The following GRID1 variants were observed in gnomAD, a reference collection of about 807,000 sequenced individuals.
GRID1 encodes glutamate ionotropic receptor delta type subunit 1.
In GRID1, 28 loss-of-function variants were observed where a neutral mutation model predicts 98.0. That is an observed-to-expected ratio of 0.29 (90% CI 0.21 to 0.39). The LOEUF is 0.39. GRID1 is among the 10% of genes least tolerant of loss of function. The probability of loss-of-function intolerance (pLI) is 1.00; values close to 1 mark genes in which losing one functional copy is unlikely to be tolerated. For synonymous variants in GRID1, 553 were observed against 538.5 expected, an observed-to-expected ratio of 1.03 and a Z score of -0.37; for missense variants, 1,111 against 1,340.5, an observed-to-expected ratio of 0.83 and a Z score of 2.67.
At chr10:85,734,753 TAAGAC>T (rs1466286576) in intron 8 of GRID1, among the ~76,000 whole-genome samples, 1 of 152,180 alleles carries the variant, frequency 6.6e-6, no homozygotes. Flanking sequence ...GCCCAAATCT[TAAGAC>T]AAGAGTGGTA....
At chr10:85,953,296 C>A (rs547494791) in intron 4 of GRID1, among the ~76,000 whole-genome samples, 4 of 152,168 alleles carry the variant, frequency 2.6e-5, no homozygotes, top group African/African-American at 9.6e-5. Flanking sequence ...ACTGCATGTT[C>A]TTACTTATAA....
intron 12 of GRID1, among the ~76,000 whole-genome samples, chr10:85,673,872 T>C (rs982336776): frequency 4.6e-5 from 7 of 152,150 alleles, no homozygotes; most frequent in African/African-American, 1.7e-4. Flanking sequence ...TTAAAATGAG[T>C]TTGCTCATCT....
rs1397615067 is a variant in GRID1, at chr10:85,729,518, C to T, written c.1330G>A (p.Val444Ile). 8 of 1,592,216 alleles carry T rather than the reference C, an allele frequency of 5.0e-6. No homozygotes were observed. The highest frequency in any genetic ancestry group is 6.0e-6 in the Non-Finnish European group (7 of 1,160,698). The change falls in exon 9 of 16, where the codon GTC becomes ATC. Residue 444 changes from valine to isoleucine, a missense_variant. By Grantham distance (29) the Val-to-Ile change is conservative (BLOSUM62 3). This residue lies in a region of GRID1 where 762 missense variants were observed against 869.1 expected (regional missense o/e 0.88). Transcript: ENST00000327946. ...LQGLTLKVVT[V>I]LEEPFVMVAE... ...GAATGTCCCCATGATCCTACCAAGA[C>T]AGTCACCACTTTAAGAGTCAATCCT...
At chr10:85,822,744 T>C (rs914964924) in intron 8 of GRID1, among the ~76,000 whole-genome samples, 1 of 152,158 alleles carries the variant, frequency 6.6e-6, no homozygotes, top group Non-Finnish European at 1.5e-5. Context: ...CACACGTATG[T>C]TTATTGCGGC....
intron 4 of GRID1, among the ~76,000 whole-genome samples, chr10:85,949,004 G>T (rs1842085231): frequency 6.6e-6 from 1 of 152,058 alleles, no homozygotes; most frequent in Admixed American, 6.5e-5. Context: ...ACACAAACTG[G>T]AGAGGAGAGA....
chr10:86,052,283 C>T (rs888197558), intron 4 of GRID1, among the ~76,000 whole-genome samples: 4 of 151,822 alleles, frequency 2.6e-5, no homozygotes, highest in Non-Finnish European at 4.4e-5. Flanking sequence ...CTAGAAAATC[C>T]CCCTCTAAAA....
intron 3 of GRID1, among the ~76,000 whole-genome samples, chr10:86,203,673 G>A (rs951143492): frequency 2.6e-5 from 4 of 151,816 alleles, no homozygotes; most frequent in Admixed American, 6.6e-5. Context: ...CCAGCAAGCC[G>A]AGAGCCAGAA....
intron 4 of GRID1, among the ~76,000 whole-genome samples, chr10:85,970,774 A>C (rs1457387941): frequency 6.6e-6 from 1 of 152,088 alleles, no homozygotes; most frequent in Non-Finnish European, 1.5e-5. Context: ...GGAACAAGAC[A>C]AGGATATCCA....
intron 4 of GRID1, among the ~76,000 whole-genome samples, chr10:85,959,928 C>A (rs1310803695): frequency 6.6e-6 from 1 of 152,208 alleles, no homozygotes; most frequent in Non-Finnish European, 1.5e-5. Flanking sequence ...GTCACCCAGG[C>A]TGGAGTGCAG....
intron 4 of GRID1, among the ~76,000 whole-genome samples, chr10:85,957,409 G>A (rs983191059): frequency 5.3e-5 from 8 of 152,148 alleles, no homozygotes; most frequent in South Asian, 2.1e-4. Context: ...AGAGCCCCAC[G>A]AGAAAGCATT....
intron 5 of GRID1, among the ~76,000 whole-genome samples, chr10:85,887,380 A>G (rs1841131985): frequency 6.6e-6 from 1 of 152,188 alleles, no homozygotes; most frequent in Admixed American, 6.5e-5. Flanking sequence ...CTAAAAACTT[A>G]TGGGGTATGC....
intron 12 of GRID1, among the ~76,000 whole-genome samples, chr10:85,682,127 C>T (rs1841216639): frequency 2.0e-5 from 3 of 152,118 alleles, no homozygotes; most frequent in Admixed American, 1.3e-4. Context: ...CAGGGAAGGC[C>T]TTGCAGATGG....
At chr10:85,828,544 T>C (rs1164684359) in intron 8 of GRID1, among the ~76,000 whole-genome samples, 2 of 151,896 alleles carry the variant, frequency 1.3e-5, no homozygotes, top group African/African-American at 2.4e-5. Context: ...GATAGATCAC[T>C]ATCTAGTCTA....
chr10:85,644,669 T>C (rs926508445), intron 13 of GRID1, among the ~76,000 whole-genome samples: 9 of 152,170 alleles, frequency 5.9e-5, no homozygotes, highest in African/African-American at 2.2e-4. Flanking sequence ...CATGTGGACA[T>C]TTATTTTGGG....
chr10:86,327,027 T>C (rs1406220387), intron 2 of GRID1, among the ~76,000 whole-genome samples: 1 of 152,136 alleles, frequency 6.6e-6, no homozygotes, highest in African/African-American at 2.4e-5. Context: ...TTCCAGCTAC[T>C]TGGGAGGGTG....
intron 4 of GRID1, among the ~76,000 whole-genome samples, chr10:86,066,258 G>C (rs2131917183): frequency 6.6e-6 from 1 of 152,246 alleles, no homozygotes; most frequent in Middle Eastern, 3.4e-3. Flanking sequence ...CTCCACGGTG[G>C]CTCCGACCCA....
chr10:86,033,910 C>G (rs562599746), intron 4 of GRID1, among the ~76,000 whole-genome samples: 1 of 152,342 alleles, frequency 6.6e-6, no homozygotes, highest in East Asian at 1.9e-4. Flanking sequence ...AGGGTGTCAC[C>G]CTGTGTCACC....
chr10:86,108,045 T>C (rs934250028), intron 4 of GRID1, among the ~76,000 whole-genome samples: 4 of 152,156 alleles, frequency 2.6e-5, no homozygotes, highest in Non-Finnish European at 5.9e-5. Flanking sequence ...TTGAGCTGGT[T>C]AACACAAGCC....
chr10:85,723,456 C>CA (rs1326625025), intron 11 of GRID1, among the ~76,000 whole-genome samples: 2 of 152,186 alleles, frequency 1.3e-5, no homozygotes, highest in African/African-American at 4.8e-5. Flanking sequence ...GATTCTACCT[C>CA]ACAGTGGTAA....
Sources: gnomAD v4.1 joint callset for allele counts (sites outside exome capture counted in the v4.1 genomes callset) on GRCh38, gnomAD v4.1.1 for gene constraint, gnomAD v4.1.1 regional missense constraint, MANE v1.5 for transcripts, NCBI Gene and HGNC (gene_info 2026-07-23, HGNC 2026-07-21) for gene names.